The following TLN2 variants were observed in gnomAD, a reference collection of about 807,000 sequenced individuals.
TLN2 encodes the protein talin 2.
A neutral mutation model predicts 294.7 loss-of-function variants in TLN2; 118 were observed. That is an observed-to-expected ratio of 0.40 (90% CI 0.34 to 0.47). TLN2 has a LOEUF of 0.47. Among genes scored for constraint, TLN2 ranks in the 20% least tolerant of loss-of-function variants. TLN2 has a pLI of 0.84. For synonymous variants in TLN2, 1,431 were observed against 1,304.5 expected, an observed-to-expected ratio of 1.10 and a Z score of -2.09; for missense variants, 3,083 against 3,282.2, an observed-to-expected ratio of 0.94 and a Z score of 1.48.
At chr15:62,403,498 G>C (rs976292361) in intron 1 of TLN2, among the ~76,000 whole-genome samples, 10 of 152,218 alleles carry the variant, frequency 6.6e-5, no homozygotes, top group African/African-American at 2.4e-4. Context: ...CTCCCGAAGT[G>C]TTGGGATTAC....
At chr15:62,535,142 T>G (rs920452276) in intron 1 of TLN2, among the ~76,000 whole-genome samples, 3 of 152,198 alleles carry the variant, frequency 2.0e-5, no homozygotes, top group Non-Finnish European at 4.4e-5. Context: ...GGGAGCCACA[T>G]TCCTTTGTGT....
rs1327509878 is a variant in TLN2, at chr15:62,796,244, A to G, written c.6001A>G (p.Thr2001Ala). The change falls in exon 47 of 59, where the codon ACA becomes GCA. Residue 2001 changes from threonine (T) to alanine (A), a missense_variant. Physicochemically the swap from Thr to Ala is moderately conservative, Grantham distance 58 (BLOSUM62 0). Transcript: ENST00000636159. ...ADLDTTIMFA[T>A]AGTLNAENSE... Reference sequence around the variant, plus strand: ...CCTGGACACCACCATTATGTTTGCAACAGCGGGGACGCTGAATGCAGAGAA... The same window carrying G: ...CCTGGACACCACCATTATGTTTGCAGCAGCGGGGACGCTGAATGCAGAGAA... 1 of 1,614,204 alleles carries G rather than the reference A, an allele frequency of 6.2e-7. No homozygotes were observed. Among genetic ancestry groups the G allele is most frequent in the Non-Finnish European group, 8.5e-7 (1 of 1,180,032 alleles).
At chr15:62,632,989 A>G (rs2050052346) in intron 3 of TLN2, among the ~76,000 whole-genome samples, 1 of 152,246 alleles carries the variant, frequency 6.6e-6, no homozygotes, top group Admixed American at 6.5e-5. Flanking sequence ...AACAACAAAC[A>G]AAGTATAATT....
At chr15:62,511,857 G>A (rs2039954858) in intron 1 of TLN2, among the ~76,000 whole-genome samples, 1 of 152,138 alleles carries the variant, frequency 6.6e-6, no homozygotes, top group Non-Finnish European at 1.5e-5. Flanking sequence ...AAAAATCGGT[G>A]TTTAACTTGC....
chr15:62,585,624 C>A (rs1340767326), intron 1 of TLN2, among the ~76,000 whole-genome samples: 1 of 152,070 alleles, frequency 6.6e-6, no homozygotes, highest in Non-Finnish European at 1.5e-5. Context: ...CGGAATACTC[C>A]AGAAAAGGCG....
chr15:62,452,266 C>T (rs924140577), intron 1 of TLN2, among the ~76,000 whole-genome samples: 6 of 152,172 alleles, frequency 3.9e-5, no homozygotes, highest in Non-Finnish European at 2.9e-5. Flanking sequence ...CTCCTCCCTC[C>T]GCCCTGGCTT....
At position 62,697,937 on chromosome 15, in the gene TLN2, G is replaced by A. The variant is rs913414855; in HGVS notation, c.1473+69G>A. The A allele has an allele frequency of 7.4e-5, 114 of 1,533,912 alleles. 1 individual carries two copies. The highest frequency in any genetic ancestry group is 1.5e-4 in the South Asian group (13 of 85,890). On this transcript the variant is annotated intron_variant, in intron 15 of 58. Coordinates refer to ENST00000636159, the MANE Select transcript of TLN2 (RefSeq NM_015059.3). ...TCCCGCATGCAGGGTGGACACCAGC[G>A]GCGGTGATGGGCTGAGTGTTGGAAC...
At chr15:62,499,418 T>C (rs1366562371) in intron 1 of TLN2, among the ~76,000 whole-genome samples, 1 of 152,134 alleles carries the variant, frequency 6.6e-6, no homozygotes, top group Non-Finnish European at 1.5e-5. Flanking sequence ...CTACTGCACT[T>C]CAGCCTGGGT....
chr15:62,473,060 G>A (rs943951007), intron 1 of TLN2, among the ~76,000 whole-genome samples: 1 of 152,236 alleles, frequency 6.6e-6, no homozygotes, highest in African/African-American at 2.4e-5. Flanking sequence ...AAAGACCAGT[G>A]GGTTTGCAGA....
At chr15:62,420,549 C>T (rs1394216646) in intron 1 of TLN2, among the ~76,000 whole-genome samples, 2 of 152,116 alleles carry the variant, frequency 1.3e-5, no homozygotes, top group African/African-American at 2.4e-5. Context: ...GGCGTGCCAC[C>T]ATGCTCGGCT....
At chr15:62,761,941 C>T (rs1485319583) in intron 38 of TLN2, 120 bp downstream of exon 38, 7 of 1,334,360 alleles carry the variant, frequency 5.2e-6, no homozygotes, top group Non-Finnish European at 2.1e-6. Context: ...TACTGTTACT[C>T]TTGTCAATGA....
chr15:62,559,376 A>G (rs1192809887), intron 1 of TLN2, among the ~76,000 whole-genome samples: 1 of 152,176 alleles, frequency 6.6e-6, no homozygotes. Context: ...GCCTTGTTTC[A>G]TGGTGGGATT....
intron 37 of TLN2, among the ~76,000 whole-genome samples, chr15:62,757,448 G>A (rs778361414): frequency 3.9e-5 from 6 of 152,194 alleles, no homozygotes; most frequent in South Asian, 2.1e-4. Context: ...TTTTCTGGTC[G>A]TTAAAAAACA....
At position 62,697,758 on chromosome 15, in the gene TLN2, G is replaced by A. The variant is rs376496570; in HGVS notation, c.1363G>A (p.Val455Met). The stretch of plus-strand genomic sequence containing the variant: ...GCACGGCTCAGTGGCGCTGCCGGCC[G>A]TGATGCGCTCGGGCTCCAGCGGGCC... ...AEHGSVALPA[V>M]MRSGSSGPET... Residue 455 changes from valine (V) to methionine (M), a missense_variant, in exon 15 of 59, where the codon GTG (valine) becomes ATG (methionine). Physicochemically the swap from Val to Met is conservative, Grantham distance 21. Coordinates refer to ENST00000636159, the MANE Select transcript of TLN2 (RefSeq NM_015059.3). 1.2e-5 allele frequency: 19 copies of A among 1,612,238 alleles called. No homozygotes were observed. Among genetic ancestry groups the A allele is most frequent in the East Asian group, 6.7e-5 (3 of 44,808 alleles).
Position 62,708,571 on chromosome 15 carries a change from C to T in TLN2, c.2242C>T (p.Arg748Cys), listed in dbSNP as rs375686258. Residue 748 changes from arginine to cysteine, a missense_variant, in exon 21 of 59, where the codon CGC becomes TGC. Coordinates refer to ENST00000636159, the MANE Select transcript of TLN2 (RefSeq NM_015059.3). ...GATTGAAGCAGGGAAGCTGGTGGAC[C>T]GCTCGGTGGAGAACTGTGTCCGTGC... ...QLIEAGKLVD[R>C]SVENCVRACQ... The T allele has an allele frequency of 2.8e-5, 45 of 1,614,034 alleles. No individual in the cohort carries two copies. The highest frequency in any genetic ancestry group is 3.5e-5 in the Non-Finnish European group (41 of 1,180,030).
chr15:62,452,418 C>T (rs983196833), intron 1 of TLN2, among the ~76,000 whole-genome samples: 4 of 152,166 alleles, frequency 2.6e-5, no homozygotes, highest in African/African-American at 2.4e-5. Context: ...ATGAGAAGGA[C>T]GTCGACAGTT....
chr15:62,800,709 G>A lies in TLN2; in HGVS notation c.6417G>A (p.Glu2139=). Residue 2139 remains glutamate (E), a synonymous_variant, in exon 50 of 59, where the codon GAG becomes GAA. Transcript: ENST00000636159. The part of the protein sequence containing the change: ...LLKTVKAVED[E]ATRGTRALEA... Reference sequence around the variant, plus strand: ...AGACTGTAAAGGCAGTGGAGGATGAGGCCACCCGGGGCACCAGGGCGCTTG... The same window carrying A: ...AGACTGTAAAGGCAGTGGAGGATGAAGCCACCCGGGGCACCAGGGCGCTTG... The A allele has an allele frequency of 6.2e-7, 1 of 1,614,064 alleles. No homozygotes were observed. Among genetic ancestry groups the A allele is most frequent in the Non-Finnish European group, 8.5e-7 (1 of 1,179,992 alleles).
intron 3 of TLN2, among the ~76,000 whole-genome samples, chr15:62,626,991 ACT>A (rs748913233): frequency 1.3e-5 from 2 of 152,128 alleles, no homozygotes; most frequent in Non-Finnish European, 2.9e-5. Context: ...AGTATTTTAA[ACT>A]CTGCTCCGCT....
At chr15:62,738,137 A>G in intron 29 of TLN2, 77 bp from the exon 30 acceptor site, 7 of 1,551,870 alleles carry the variant, frequency 4.5e-6, no homozygotes, top group Non-Finnish European at 5.3e-6. Context: ...TCAGCTCTGC[A>G]TGTTTCACTG....
Sources: allele counts gnomAD v4.1 joint callset (sites outside exome capture counted in the v4.1 genomes callset), GRCh38; gene constraint gnomAD v4.1.1; transcripts MANE v1.5; gene names NCBI Gene and HGNC (gene_info 2026-07-23, HGNC 2026-07-21).